DOCK1: variants seen among roughly 807,000 people sequenced by gnomAD.
DOCK1 encodes dedicator of cytokinesis 1.
Under a neutral mutation model 262.7 loss-of-function variants are expected in DOCK1, and 138 were observed. The observed-to-expected ratio is 0.53, with a 90% confidence interval of 0.46 to 0.61. The LOEUF (loss-of-function observed/expected upper bound fraction) is 0.61. Ranked by LOEUF, DOCK1 falls within the 20% of genes least tolerant of loss-of-function variation. DOCK1 has a pLI of 0.00. For synonymous variants in DOCK1, 866 were observed against 867.4 expected, an observed-to-expected ratio of 1.00 and a Z score of 0.03; for missense variants, 1,908 against 2,370.7, an observed-to-expected ratio of 0.80 and a Z score of 4.05.
At chr10:127,392,095 C>T (rs376339408) in intron 38 of DOCK1, among the ~76,000 whole-genome samples, 1 of 142,982 alleles carries the variant, frequency 7.0e-6, no homozygotes, top group Admixed American at 7.0e-5. Flanking sequence ...TCTGCCCCGG[C>T]GTGGACCGGC....
At chr10:126,984,442 G>A (rs960771776) in intron 4 of DOCK1, among the ~76,000 whole-genome samples, 10 of 151,992 alleles carry the variant, frequency 6.6e-5, no homozygotes, top group Admixed American at 5.2e-4. Context: ...CTGCCTCCAG[G>A]TTCAAGTGAT....
chr10:127,190,539 A>ATT (rs36100618), intron 27 of DOCK1, among the ~76,000 whole-genome samples: 110 of 24,850 alleles, frequency 4.4e-3, no homozygotes, highest in African/African-American at 0.016. Context: ...GCTTCATCCA[A>ATT]TTTCCTCCTA....
chr10:127,361,399 C>T (rs565107965), intron 32 of DOCK1, among the ~76,000 whole-genome samples: 144 of 152,234 alleles, frequency 9.5e-4, no homozygotes, highest in South Asian at 4.6e-3. Flanking sequence ...CAGGCGTGAG[C>T]CACCACACCC....
intron 1 of DOCK1, among the ~76,000 whole-genome samples, chr10:126,915,008 TCTG>T (rs2032295056): frequency 6.6e-6 from 1 of 152,144 alleles, no homozygotes; most frequent in East Asian, 1.9e-4. Context: ...GCCCATCCCT[TCTG>T]CTCACATTTT....
intron 27 of DOCK1, among the ~76,000 whole-genome samples, chr10:127,153,681 A>G (rs1462161790): frequency 1.3e-5 from 2 of 152,184 alleles, no homozygotes; most frequent in African/African-American, 2.4e-5. Context: ...CCACGGTTCT[A>G]TACTTGGGGT....
intron 1 of DOCK1, among the ~76,000 whole-genome samples, chr10:126,937,775 T>C (rs1190798645): frequency 6.6e-6 from 1 of 152,148 alleles, no homozygotes; most frequent in Admixed American, 6.6e-5. Context: ...TTTGGAAATA[T>C]TTTATCCCAT....
intron 38 of DOCK1, chr10:127,402,678 C>A (rs369912180): frequency 1.9e-6 from 1 of 523,774 alleles, no homozygotes; most frequent in Admixed American, 1.9e-5. Flanking sequence ...AATGGCACCC[C>A]ACAGCCTCTC....
intron 49 of DOCK1, 75 bp from the exon 50 acceptor site, chr10:127,444,051 C>A (rs1012744171): frequency 4.8e-5 from 74 of 1,531,144 alleles, no homozygotes; most frequent in Non-Finnish European, 5.5e-5. Context: ...AGGACTTCAA[C>A]ATAGGAATTT....
intron 29 of DOCK1, among the ~76,000 whole-genome samples, chr10:127,289,693 T>C (rs2061284157): frequency 1.3e-5 from 2 of 152,074 alleles, no homozygotes; most frequent in African/African-American, 4.8e-5. Context: ...GTTTTATAGA[T>C]CTCAATGTAT....
intron 29 of DOCK1, among the ~76,000 whole-genome samples, chr10:127,273,066 C>T (rs1461351461): frequency 6.6e-6 from 1 of 152,160 alleles, no homozygotes; most frequent in Non-Finnish European, 1.5e-5. Flanking sequence ...CCATATCAAC[C>T]ACCTTTCCTC....
At chr10:127,292,100 C>G (rs1346010678) in intron 29 of DOCK1, among the ~76,000 whole-genome samples, 1 of 152,216 alleles carries the variant, frequency 6.6e-6, no homozygotes, top group African/African-American at 2.4e-5. Flanking sequence ...CACAGTTAGC[C>G]TCTGACAATA....
intron 23 of DOCK1, among the ~76,000 whole-genome samples, chr10:127,095,311 G>A (rs7091697): frequency 0.51 from 77,584 of 152,016 alleles, 20,551 homozygotes; most frequent in South Asian, 0.64. Context: ...GAGTCCTGGT[G>A]GCTTCTACTC....
At chr10:127,140,956 G>A (rs1431754364) in intron 27 of DOCK1, among the ~76,000 whole-genome samples, 1 of 152,184 alleles carries the variant, frequency 6.6e-6, no homozygotes, top group Non-Finnish European at 1.5e-5. Context: ...GAGGGCCCAT[G>A]GCTCTTGCTT....
chr10:127,139,720 C>T (rs2051040950), intron 27 of DOCK1, among the ~76,000 whole-genome samples: 1 of 152,164 alleles, frequency 6.6e-6, no homozygotes, highest in Non-Finnish European at 1.5e-5. Flanking sequence ...GAGTCGGGGG[C>T]TCCTTAAACT....
chr10:127,368,996 G>A (rs2065070500), intron 33 of DOCK1, among the ~76,000 whole-genome samples: 1 of 152,144 alleles, frequency 6.6e-6, no homozygotes, highest in South Asian at 2.1e-4. Flanking sequence ...TGTCATCTTT[G>A]TGAGGCTCAG....
At chr10:127,032,822 G>T (rs930586946) in intron 18 of DOCK1, among the ~76,000 whole-genome samples, 2 of 152,232 alleles carry the variant, frequency 1.3e-5, no homozygotes, top group Non-Finnish European at 2.9e-5. Context: ...CTCCCAGAGT[G>T]CTGGGATTAC....
intron 38 of DOCK1, among the ~76,000 whole-genome samples, chr10:127,391,335 T>G (rs7915948): frequency 0.5 from 76,205 of 151,878 alleles, 19,796 homozygotes; most frequent in African/African-American, 0.63. Flanking sequence ...ACATGGCCCT[T>G]AAGGAAATAC....
chr10:127,430,248 T>C (rs1266998456), intron 47 of DOCK1, among the ~76,000 whole-genome samples: 1 of 152,170 alleles, frequency 6.6e-6, no homozygotes. Flanking sequence ...TTCTCCTCTC[T>C]CGCCCTCCCT....
At chr10:127,124,366 A>G (rs1038036134) in intron 25 of DOCK1, among the ~76,000 whole-genome samples, 12 of 152,240 alleles carry the variant, frequency 7.9e-5, no homozygotes, top group African/African-American at 2.9e-4. Flanking sequence ...CGTTTAAAGG[A>G]AACAAGAATG....
Sources: allele counts gnomAD v4.1 joint callset (sites outside exome capture counted in the v4.1 genomes callset), GRCh38; gene constraint gnomAD v4.1.1; transcripts MANE v1.5; gene names NCBI Gene and HGNC (gene_info 2026-07-23, HGNC 2026-07-21).